The following MRRF variants were observed in gnomAD, a reference collection of about 807,000 sequenced individuals.
The protein encoded by MRRF is mitochondrial ribosome recycling factor.
MRRF carries 18 observed loss-of-function variants against 25.1 expected under a neutral mutation model. The observed-to-expected ratio is 0.72, with a 90% CI of 0.50 to 1.06. The LOEUF (loss-of-function observed/expected upper bound fraction) is 1.06, where lower values mean the gene tolerates loss of function less well. Among genes scored for constraint, MRRF ranks in the 50% least tolerant of loss-of-function variants. MRRF has a pLI of 0.00. For missense variants in MRRF, 323 were observed against 319.3 expected (o/e 1.01, Z -0.09); for synonymous variants, 113 against 112.1 (o/e 1.01, Z -0.05).
intron 4 of MRRF, 105 bp from the exon 5 acceptor site, chr9:122,291,644 A>G: frequency 1.2e-6 from 1 of 832,748 alleles, no homozygotes; most frequent in Non-Finnish European, 2.1e-6. Context: ...AACAGAACTA[A>G]ATGTTTCCAT....
intron 3 of MRRF, among the ~76,000 whole-genome samples, chr9:122,284,422 T>C (rs938344606): frequency 2.6e-5 from 4 of 152,158 alleles, no homozygotes; most frequent in Non-Finnish European, 4.4e-5. Context: ...TTGTAAGGAC[T>C]AAAAGGGATA....
At chr9:122,297,962 G>A (rs1374519181) in intron 5 of MRRF, among the ~76,000 whole-genome samples, 2 of 152,168 alleles carry the variant, frequency 1.3e-5, no homozygotes, top group African/African-American at 4.8e-5. Flanking sequence ...GAAAGTGACT[G>A]TTTACTGAGT....
chr9:122,294,461 A>G (rs1408965713), intron 5 of MRRF, among the ~76,000 whole-genome samples: 1 of 152,188 alleles, frequency 6.6e-6, no homozygotes, highest in Non-Finnish European at 1.5e-5. Context: ...AATGGGTGTA[A>G]TCCAAGAGAA....
intron 1 of MRRF, among the ~76,000 whole-genome samples, 172 bp downstream of exon 1, chr9:122,265,110 T>C (rs1457749623): frequency 2.1e-5 from 2 of 93,492 alleles, no homozygotes; most frequent in African/African-American, 8.6e-5. Flanking sequence ...GCGAGTCTCA[T>C]GGGGTGGGGG....
rs1436067270 is a variant in MRRF, at chr9:122,291,778, A to G, written c.489A>G (p.Arg163=). ...CAGCTGCAGCTATCAAGGCTATAAG[A>G]GAAAGTGGAATGAATCTGAACCCAG... ...ECTAAAIKAI[R]ESGMNLNPEV... Residue 163 remains arginine (R), a synonymous_variant, in exon 5 of 7, where the codon AGA becomes AGG. Transcript: ENST00000344641. 19 of 1,613,824 alleles carry G rather than the reference A, an allele frequency of 1.2e-5. No homozygotes were observed. The highest frequency in any genetic ancestry group is 1.6e-5 in the Non-Finnish European group (19 of 1,179,692).
intron 5 of MRRF, among the ~76,000 whole-genome samples, chr9:122,295,278 A>G (rs531328339): frequency 1.3e-5 from 2 of 152,196 alleles, no homozygotes; most frequent in Non-Finnish European, 2.9e-5. Flanking sequence ...TAGGAGCATC[A>G]TTCCTTTTTA....
chr9:122,278,825 G>T (rs1254770639), intron 2 of MRRF, among the ~76,000 whole-genome samples: 1 of 151,712 alleles, frequency 6.6e-6, no homozygotes, highest in East Asian at 1.9e-4. Context: ...ACATGTCTAG[G>T]TGTGAATTTA....
Position 122,319,512 on chromosome 9 carries a change from A to G in MRRF, c.712-3028A>G, listed in dbSNP as rs116367175. ...CCTCTGTAAAATGGGGATAATACCT[A>G]TTCTACCTGCTTCATAGAGGCTATG... On this transcript the variant is annotated intron_variant, in intron 6 of 6. Coordinates refer to ENST00000344641, the MANE Select transcript of MRRF (RefSeq NM_138777.5). Among the ~76,000 whole-genome samples, 1,026 of 152,256 alleles carry G rather than the reference A, an allele frequency of 6.7e-3. 6 individuals carry two copies. Among genetic ancestry groups the G allele is most frequent in the African/African-American group, 0.024 (990 of 41,534 alleles).
At chr9:122,312,482 C>A (rs1476400526) in intron 5 of MRRF, among the ~76,000 whole-genome samples, 1 of 152,158 alleles carries the variant, frequency 6.6e-6, no homozygotes, top group Non-Finnish European at 1.5e-5. Flanking sequence ...AACAGCTGCT[C>A]ATCACTATTC....
At chr9:122,310,538 T>A (rs749883807) in intron 5 of MRRF, among the ~76,000 whole-genome samples, 8 of 152,238 alleles carry the variant, frequency 5.3e-5, no homozygotes, top group Non-Finnish European at 7.3e-5. Flanking sequence ...AATCTCAAGA[T>A]AGAAGTGTTG....
At chr9:122,269,091 G>A (rs147052794) in intron 1 of MRRF, among the ~76,000 whole-genome samples, 1,899 of 151,558 alleles carry the variant, frequency 0.013, 31 homozygotes, top group African/African-American at 0.042. Flanking sequence ...GCGTGTACCC[G>A]GGAGGCGGAG....
At chr9:122,300,916 C>A (rs1588057627) in intron 5 of MRRF, among the ~76,000 whole-genome samples, 1 of 152,196 alleles carries the variant, frequency 6.6e-6, no homozygotes, top group East Asian at 1.9e-4. Flanking sequence ...CTAGTCCTGC[C>A]TATGGCATGA....
At chr9:122,319,943 C>T (rs904202946) in intron 6 of MRRF, among the ~76,000 whole-genome samples, 5 of 141,928 alleles carry the variant, frequency 3.5e-5, no homozygotes, top group Admixed American at 3.0e-4. Flanking sequence ...GGCACCATGT[C>T]GGCTCACTGC....
chr9:122,276,116 G>A (rs1331808624), intron 2 of MRRF, among the ~76,000 whole-genome samples: 2 of 151,790 alleles, frequency 1.3e-5, no homozygotes, highest in Non-Finnish European at 2.9e-5. Context: ...ATTTCGCCAT[G>A]TTGGCCAGGC....
chr9:122,297,590 G>A (rs773350172), intron 5 of MRRF, among the ~76,000 whole-genome samples: 1 of 152,100 alleles, frequency 6.6e-6, no homozygotes, highest in Non-Finnish European at 1.5e-5. Flanking sequence ...CAAGTGTCAA[G>A]TATCTTAGTT....
intron 6 of MRRF, among the ~76,000 whole-genome samples, chr9:122,321,287 G>A (rs1835876648): frequency 1.3e-5 from 2 of 152,090 alleles, no homozygotes; most frequent in Non-Finnish European, 2.9e-5. Flanking sequence ...TAATGTGAGC[G>A]TGTTTCCATG....
chr9:122,313,697 C>T (rs996624446), intron 6 of MRRF, among the ~76,000 whole-genome samples: 8 of 152,082 alleles, frequency 5.3e-5, no homozygotes, highest in South Asian at 2.1e-4. Context: ...ATAACTTGCC[C>T]GAAATCACAC....
chr9:122,268,702 A>G (rs781249784), intron 1 of MRRF, among the ~76,000 whole-genome samples: 8 of 152,242 alleles, frequency 5.3e-5, no homozygotes, highest in Admixed American at 2.6e-4. Context: ...CTTGACCTCA[A>G]TTAATAGTAG....
intron 5 of MRRF, among the ~76,000 whole-genome samples, chr9:122,312,620 A>C (rs532752050): frequency 4.5e-4 from 69 of 152,300 alleles, no homozygotes; most frequent in Non-Finnish European, 9.3e-4. Flanking sequence ...TGTCATACTA[A>C]GACCATTGGC....
Sources: gnomAD v4.1 joint callset for allele counts (sites outside exome capture counted in the v4.1 genomes callset) on GRCh38, gnomAD v4.1.1 for gene constraint, MANE v1.5 for transcripts, NCBI Gene and HGNC (gene_info 2026-07-23, HGNC 2026-07-21) for gene names.